Variants in GLYAT observed in about 807,000 individuals in gnomAD.
GLYAT encodes glycine-N-acyltransferase.
GLYAT carries 25 observed loss-of-function variants against 22.8 expected under a neutral mutation model. The ratio of observed to expected loss-of-function variants is 1.09; its 90% CI spans 0.80 to 1.53. The LOEUF is 1.53. Ranked by LOEUF, GLYAT falls within the 40% of genes most tolerant of loss-of-function variation. GLYAT has a pLI of 0.00. For synonymous variants in GLYAT, 140 were observed against 122.7 expected (o/e 1.14, Z -0.93); for missense variants, 411 against 353.9 (o/e 1.16, Z -1.29).
intron 1 of GLYAT, among the ~76,000 whole-genome samples, chr11:58,728,219 C>T (rs551702454): frequency 9.9e-5 from 15 of 152,030 alleles, no homozygotes; most frequent in African/African-American, 3.6e-4. Flanking sequence ...CGCAACACCA[C>T]ACCCAAGTAA....
At position 58,721,615 on chromosome 11, in the gene GLYAT, T is replaced by G. The variant is rs184598870; in HGVS notation, c.81+2801A>C. ...CACATACATCTTGGATGTTAGCCTT[T>G]TAATTAAGCTGACTTTTAACAATTG... On this transcript the variant is annotated intron_variant, in intron 2 of 5. Coordinates refer to ENST00000344743, the MANE Select transcript of GLYAT (RefSeq NM_201648.3). 4.6e-3 allele frequency among the ~76,000 whole-genome samples: 696 copies of G among 152,134 alleles called. 6 individuals carry two copies. Among genetic ancestry groups the G allele is most frequent in the African/African-American group, 0.016 (662 of 41,538 alleles).
At chr11:58,715,664 T>G (rs1856671234) in intron 2 of GLYAT, among the ~76,000 whole-genome samples, 1 of 152,174 alleles carries the variant, frequency 6.6e-6, no homozygotes, top group Admixed American at 6.6e-5. Context: ...ATTAAACAGA[T>G]TTTTGTTCAA....
intron 2 of GLYAT, among the ~76,000 whole-genome samples, chr11:58,715,964 TATACA>T (rs1308188228): frequency 1.3e-5 from 2 of 152,158 alleles, no homozygotes; most frequent in East Asian, 3.9e-4. Flanking sequence ...TTAAAGGCTA[TATACA>T]TGTTTAAAAC....
intron 2 of GLYAT, 106 bp from the exon 3 acceptor site, chr11:58,715,529 T>C: frequency 1.6e-6 from 1 of 631,246 alleles, no homozygotes; most frequent in Non-Finnish European, 2.8e-6. Context: ...TGACATTTTA[T>C]GATACAAAGT....
chr11:58,729,425 G>T (rs376217925), intron 1 of GLYAT, among the ~76,000 whole-genome samples: 3 of 151,976 alleles, frequency 2.0e-5, no homozygotes, highest in African/African-American at 7.3e-5. Flanking sequence ...GATAAATATC[G>T]TATATATTTA....
At chr11:58,720,615 G>T (rs1024963363) in intron 2 of GLYAT, among the ~76,000 whole-genome samples, 12 of 151,956 alleles carry the variant, frequency 7.9e-5, no homozygotes, top group African/African-American at 2.9e-4. Context: ...CCTCCTTATT[G>T]ACTGTGGACC....
chr11:58,715,641 T>C (rs1856670946), intron 2 of GLYAT, among the ~76,000 whole-genome samples: 1 of 152,186 alleles, frequency 6.6e-6, no homozygotes. Flanking sequence ...CACTTGTCCA[T>C]CAGAGCCTTT....
At chr11:58,729,635 T>A (rs1856851138) in intron 1 of GLYAT, among the ~76,000 whole-genome samples, 1 of 152,158 alleles carries the variant, frequency 6.6e-6, no homozygotes, top group South Asian at 2.1e-4. Flanking sequence ...GTCTAATCAC[T>A]CCACTTTCCA....
At chr11:58,713,552 A>G (rs139072978) in intron 3 of GLYAT, among the ~76,000 whole-genome samples, 38 of 152,282 alleles carry the variant, frequency 2.5e-4, no homozygotes, top group African/African-American at 8.9e-4. Context: ...AAAGAAGATT[A>G]AAAACTAATT....
intron 4 of GLYAT, among the ~76,000 whole-genome samples, chr11:58,711,326 G>A (rs1830014416): frequency 6.6e-6 from 1 of 152,164 alleles, no homozygotes; most frequent in Admixed American, 6.6e-5. Flanking sequence ...CAGTAGGGTG[G>A]ACATGTCAGG....
intron 1 of GLYAT, among the ~76,000 whole-genome samples, chr11:58,729,200 C>T (rs1329550972): frequency 3.3e-5 from 5 of 152,108 alleles, no homozygotes; most frequent in African/African-American, 7.2e-5. Flanking sequence ...CATTTATTCT[C>T]AGTTTGAAAT....
At position 58,730,446 on chromosome 11, in the gene GLYAT, G is replaced by A. The variant is rs1856860617; in HGVS notation, c.-16+1389C>T. Among the ~76,000 whole-genome samples the A allele has an allele frequency of 5.3e-5, 8 of 152,288 alleles. No individual in the cohort carries two copies. In the South Asian group the frequency reaches 1.7e-3, roughly 32 times the overall value. On this transcript the variant is annotated intron_variant, in intron 1 of 5. Transcript: ENST00000344743. Reference sequence around the variant, plus strand: ...GCTGTTTTGTGTAAGCAGAAAAAAAGAATACATTCTGCAAATCAGACCTCA... The same window carrying A: ...GCTGTTTTGTGTAAGCAGAAAAAAAAAATACATTCTGCAAATCAGACCTCA...
chr11:58,710,341 G>A (rs1856598244), intron 5 of GLYAT, 173 bp from the exon 6 acceptor site: 5 of 1,159,476 alleles, frequency 4.3e-6, no homozygotes, highest in South Asian at 3.4e-5. Context: ...AGCTGTTGGA[G>A]GAAGAAAGCA....
chr11:58,714,685 C>A (rs1856657858), intron 3 of GLYAT, among the ~76,000 whole-genome samples: 1 of 152,044 alleles, frequency 6.6e-6, no homozygotes, highest in Admixed American at 6.6e-5. Context: ...TTATAAGGGG[C>A]TTCCCCATTT....
Position 58,712,737 on chromosome 11 carries a change from C to A in GLYAT, c.316+23G>T, listed in dbSNP as rs1182910588. The A allele has an allele frequency of 1.9e-6, 3 of 1,609,092 alleles. No homozygotes were observed. In the Admixed American group the frequency reaches 5.0e-5, roughly 27 times the overall value. On this transcript the variant is annotated intron_variant, in intron 4 of 5. Coordinates refer to ENST00000344743, the MANE Select transcript of GLYAT (RefSeq NM_201648.3). ...CTCAGGACACATAAGTGAGTCAGCA[C>A]ACATCCCATTCCTCTTACTTACTTT...
At chr11:58,727,359 AAAG>A (rs1388815768) in intron 1 of GLYAT, among the ~76,000 whole-genome samples, 2 of 152,198 alleles carry the variant, frequency 1.3e-5, no homozygotes, top group Non-Finnish European at 2.9e-5. Context: ...ATGTGAAGTA[AAAG>A]AAGAGGCAGA....
chr11:58,719,753 T>G (rs1390331991), intron 2 of GLYAT, among the ~76,000 whole-genome samples: 2 of 152,012 alleles, frequency 1.3e-5, no homozygotes, highest in African/African-American at 4.8e-5. Flanking sequence ...AGCTCTGTGA[T>G]TCAATGTTAG....
chr11:58,730,030 C>G (rs1856855807), intron 1 of GLYAT, among the ~76,000 whole-genome samples: 1 of 152,166 alleles, frequency 6.6e-6, no homozygotes, highest in Non-Finnish European at 1.5e-5. Context: ...GCTACTGACA[C>G]TGAGGTTCTT....
chr11:58,709,703 C>A lies in GLYAT; in HGVS notation c.*63G>T. ...ACAATTTATTATTTCTTTTCATCCACCATCCACTCCTCAAATTATACGCCC... is the reference window on the plus strand; with the variant it reads ...ACAATTTATTATTTCTTTTCATCCAACATCCACTCCTCAAATTATACGCCC... On this transcript the variant is annotated 3_prime_UTR_variant, in exon 6 of 6. Transcript: ENST00000344743. 1 of 1,502,602 alleles carries A rather than the reference C, an allele frequency of 6.7e-7. No homozygotes were observed. The highest frequency in any genetic ancestry group is 9.0e-7 in the Non-Finnish European group (1 of 1,112,794). 93.1% of individuals were successfully genotyped at this position (1,502,602 alleles called of 1,614,324 possible).
Sources: allele counts gnomAD v4.1 joint callset (sites outside exome capture counted in the v4.1 genomes callset), GRCh38; gene constraint gnomAD v4.1.1; transcripts MANE v1.5; gene names NCBI Gene and HGNC (gene_info 2026-07-23, HGNC 2026-07-21).